Variants in RNF123 observed in about 807,000 individuals in gnomAD.
The protein encoded by RNF123 is ring finger protein 123, also known as E3 ubiquitin-protein ligase RNF123.
In RNF123, 86 loss-of-function variants were observed where a neutral mutation model predicts 168.5. The ratio of observed to expected loss-of-function variants is 0.51; its 90% CI spans 0.43 to 0.61. The LOEUF is 0.61. RNF123 is among the 20% of genes least tolerant of loss of function. The probability of loss-of-function intolerance (pLI) is 0.00; values close to 1 mark genes in which losing one functional copy is unlikely to be tolerated. For missense variants in RNF123, 1,419 were observed against 1,729.7 expected, an observed-to-expected ratio of 0.82 and a Z score of 3.19; for synonymous variants, 666 against 689.1, an observed-to-expected ratio of 0.97 and a Z score of 0.52.
intron 3 of RNF123, among the ~76,000 whole-genome samples, chr3:49,695,019 G>C (rs1368121975): frequency 7.2e-5 from 11 of 152,228 alleles, no homozygotes; most frequent in Admixed American, 7.2e-4. Context: ...CTCAGTGGTG[G>C]CTGTCTCAGG....
At chr3:49,719,242 C>T (rs775625819) in intron 35 of RNF123, 9 of 1,613,028 alleles carry the variant, frequency 5.6e-6, no homozygotes, top group Non-Finnish European at 4.2e-6. Flanking sequence ...GGGGCGCAGG[C>T]GCTGGAGCGC....
rs755162399 is a variant in RNF123, at chr3:49,691,267, G to A, written c.82+20G>A. ...TCACAGGTAAGAGCTGGCAGGGAAG[G>A]AAGGAGGCTCCTCTTGTTGGGAGGA... On this transcript the variant is annotated intron_variant, in intron 2 of 38. Coordinates refer to ENST00000327697, the MANE Select transcript of RNF123 (RefSeq NM_022064.5). 27 of 1,611,948 alleles carry A rather than the reference G, an allele frequency of 1.7e-5. No homozygotes were observed. The South Asian group carries it at 2.6e-4, about 16-fold the overall frequency.
chr3:49,701,210 A>G (rs2054374882), intron 15 of RNF123, among the ~76,000 whole-genome samples: 2 of 152,236 alleles, frequency 1.3e-5, no homozygotes, highest in African/African-American at 4.8e-5. Context: ...TTGGGGCCTG[A>G]GAAAAGGCCA....
In RNF123 at chr3:49,716,126, G is replaced by A. The variant is rs776882741; in HGVS notation, c.3364G>A (p.Val1122Met). The A allele has an allele frequency of 1.6e-5, 26 of 1,613,648 alleles. No homozygotes were observed. Among genetic ancestry groups the A allele is most frequent in the Non-Finnish European group, 6.8e-6 (8 of 1,179,976 alleles). Residue 1122 changes from valine to methionine, a missense_variant, in exon 34 of 39, where the codon GTG (valine) becomes ATG (methionine). This residue lies in a region of RNF123 where 538 missense variants were observed against 708.8 expected (regional missense o/e 0.76). Coordinates refer to ENST00000327697, the MANE Select transcript of RNF123 (RefSeq NM_022064.5). Reference protein sequence around the residue: ...AQLLNQVLNRVTAERNLFDRV... With the variant: ...AQLLNQVLNRMTAERNLFDRV... ...GCTGCTAAACCAGGTGCTGAACCGG[G>A]TGACAGCTGAGAGGAACCTGTTTGA... is the stretch of plus-strand genomic sequence containing the variant.
chr3:49,715,766 G>C, intron 32 of RNF123, 52 bp downstream of exon 32: 2 of 1,614,040 alleles, frequency 1.2e-6, no homozygotes, highest in Non-Finnish European at 8.5e-7. Flanking sequence ...GATGAGGCCT[G>C]GTCCTGGGCT....
rs1365544717 is a variant in RNF123, at chr3:49,700,577, A to G, written c.1203+13A>G. On this transcript the variant is annotated intron_variant, in intron 14 of 38. Transcript: ENST00000327697. ...CCTGGGCCTACAGGTGGGAGCCCCT[A>G]CCCCTGCCCTGAGCCCCCTGGGACT... The G allele has an allele frequency of 3.1e-6, 5 of 1,613,762 alleles. No individual in the cohort carries two copies. The East Asian group carries it at 1.1e-4, about 36-fold the overall frequency.
In RNF123 at chr3:49,713,766, G is replaced by A. The variant is rs2080188418; in HGVS notation, c.2778G>A (p.Leu926=). The A allele has an allele frequency of 6.2e-7, 1 of 1,608,916 alleles. No individual in the cohort carries two copies. The highest frequency in any genetic ancestry group is 1.1e-5 in the South Asian group (1 of 90,304). The change falls in exon 29 of 39, where the codon CTG becomes CTA. Residue 926 remains leucine (L), a synonymous_variant. Transcript: ENST00000327697. ...TDIRDSLMQA[L]ASYVCYPHSL... is the part of the protein sequence containing the mutation. Reference sequence around the variant, plus strand: ...TCCGAGACTCACTGATGCAGGCCCTGGCCAGCTACGTGTGCTACCCACACT... The same window carrying A: ...TCCGAGACTCACTGATGCAGGCCCTAGCCAGCTACGTGTGCTACCCACACT...
Position 49,699,790 on chromosome 3 carries a change from G to A in RNF123, c.984+18G>A. 1 of 1,608,012 alleles carries A rather than the reference G, an allele frequency of 6.2e-7. No homozygotes were observed. Among genetic ancestry groups the A allele is most frequent in the Non-Finnish European group, 8.5e-7 (1 of 1,175,828 alleles). On this transcript the variant is annotated intron_variant, in intron 12 of 38. Transcript: ENST00000327697. This position sits in a 1 kb window ranked among gnomAD's most constrained non-coding sequence, Gnocchi z 4.8. ...CGCTTCTGGTGAGCGGCATTGGGAG[G>A]GGCATGGGAGGGGAGGAGACAGGCC... is the stretch of plus-strand genomic sequence containing the variant.
At chr3:49,693,647 G>A (rs1446929552) in intron 3 of RNF123, among the ~76,000 whole-genome samples, 35 of 152,120 alleles carry the variant, frequency 2.3e-4, no homozygotes, top group African/African-American at 5.5e-4. Flanking sequence ...ATGAGCCACC[G>A]CACCTGACCA....
chr3:49,698,822 T>A lies in RNF123; in HGVS notation c.638T>A (p.Leu213Gln). Reference protein sequence around the residue: ...DLDDGTLSFCLNGVSLGTAFE... With the variant: ...DLDDGTLSFCQNGVSLGTAFE... ...GATGATGGCACTCTGTCCTTCTGCC[T>A]GTGAGTTTCCTATCTCTATGCACAG... The change falls in exon 9 of 39, where the codon CTG (leucine) becomes CAG (glutamine). Residue 213 changes from leucine (L) to glutamine (Q), a missense_variant and splice_region_variant. Leu to Gln is a moderately radical substitution (Grantham distance 113). Around this residue, in one of 5 missense-constraint regions of RNF123, gnomAD observed 318 missense variants for 446.6 expected, o/e 0.71. Transcript: ENST00000327697. 6.2e-7 allele frequency: 1 copy of A among 1,613,906 alleles called. No individual in the cohort carries two copies. Among genetic ancestry groups the A allele is most frequent in the Non-Finnish European group, 8.5e-7 (1 of 1,179,934 alleles).
At chr3:49,708,239 C>A (rs541439000) in intron 26 of RNF123, among the ~76,000 whole-genome samples, 2 of 152,342 alleles carry the variant, frequency 1.3e-5, no homozygotes, top group East Asian at 3.9e-4. Context: ...GCTGGGGTTA[C>A]AGGCGTGCGC....
chr3:49,698,921 G>C, intron 9 of RNF123, 59 bp from the exon 10 acceptor site: 1 of 1,608,086 alleles, frequency 6.2e-7, no homozygotes, highest in South Asian at 1.1e-5. Context: ...GAGTTTGATA[G>C]CCTGAGGGTG....
chr3:49,718,156 C>T lies in RNF123; in HGVS notation c.3500+1679C>T, dbSNP rs1198772001. 35 of 1,613,096 alleles carry T rather than the reference C, an allele frequency of 2.2e-5. No individual in the cohort carries two copies. The Admixed American group carries it at 5.8e-4, about 27-fold the overall frequency. ...GCTGGGTGCGTCTGGCGGTGTGGTG[C>T]TGAGTACTGAGGACTGTGCGCTCAG... On this transcript the variant is annotated intron_variant, in intron 35 of 38. Transcript: ENST00000327697.
In RNF123 at chr3:49,700,594, C is replaced by T. The variant is rs771189834; in HGVS notation, c.1203+30C>T. ...GAGCCCCTACCCCTGCCCTGAGCCCCCTGGGACTCGCCTGTCCACTCTGAA... is the reference window on the plus strand; with the variant it reads ...GAGCCCCTACCCCTGCCCTGAGCCCTCTGGGACTCGCCTGTCCACTCTGAA... On this transcript the variant is annotated intron_variant, in intron 14 of 38. Coordinates refer to ENST00000327697, the MANE Select transcript of RNF123 (RefSeq NM_022064.5). The T allele has an allele frequency of 3.7e-6, 6 of 1,614,204 alleles. No individual in the cohort carries two copies. In the East Asian group the frequency reaches 1.3e-4, roughly 36 times the overall value.
chr3:49,708,607 G>A (rs1056998929), intron 26 of RNF123, among the ~76,000 whole-genome samples: 4 of 152,220 alleles, frequency 2.6e-5, no homozygotes, highest in Admixed American at 2.6e-4. Flanking sequence ...CCTACTTTCT[G>A]TCTCTGAATT....
At position 49,704,724 on chromosome 3, in the gene RNF123, G is replaced by A. The variant is rs1212131288; in HGVS notation, c.1927G>A (p.Glu643Lys). 1.9e-6 allele frequency: 3 copies of A among 1,591,486 alleles called. No individual in the cohort carries two copies. Among genetic ancestry groups the A allele is most frequent in the Non-Finnish European group, 2.6e-6 (3 of 1,168,996 alleles). ...LQSTAMDDLD[E>K]DEEPAPAMAQ... is the part of the protein sequence containing the mutation. ...GTCAACCGCCATGGATGACCTAGAT[G>A]AGGATGAGGAGCCAGCCCCAGCTAT... Residue 643 changes from glutamate (E) to lysine (K), a missense_variant, in exon 22 of 39, where the codon GAG becomes AAG. Coordinates refer to ENST00000327697, the MANE Select transcript of RNF123 (RefSeq NM_022064.5).
At chr3:49,700,943 T>C (rs1575525554) in intron 15 of RNF123, among the ~76,000 whole-genome samples, 2 of 152,184 alleles carry the variant, frequency 1.3e-5, no homozygotes, top group South Asian at 4.1e-4. Flanking sequence ...TACGCAGAGG[T>C]GTGGGAGGGG....
chr3:49,697,202 A>G lies in RNF123; in HGVS notation c.227A>G (p.Asn76Ser), dbSNP rs1410895218. The G allele has an allele frequency of 1.9e-6, 3 of 1,614,128 alleles. No homozygotes were observed. The highest frequency in any genetic ancestry group is 2.5e-6 in the Non-Finnish European group (3 of 1,180,018). ...EHLDQLLQVD[N>S]EEEESQGQVE... ...TTGGACCAGTTGCTACAGGTGGACA[A>G]TGAGGAGGAGGAAAGCCAGGGTATG... Residue 76 changes from asparagine to serine, a missense_variant, in exon 4 of 39, where the codon AAT becomes AGT. Asn to Ser is a conservative substitution (Grantham distance 46). Around this residue, in one of 5 missense-constraint regions of RNF123, gnomAD observed 318 missense variants for 446.6 expected, o/e 0.71. Transcript: ENST00000327697.
At chr3:49,709,738 A>G (rs1345992162) in intron 26 of RNF123, among the ~76,000 whole-genome samples, 2 of 136,154 alleles carry the variant, frequency 1.5e-5, no homozygotes, top group Non-Finnish European at 3.1e-5. Flanking sequence ...CGCGCCCTGC[A>G]ATTTTTGTAT....
Sources: gnomAD v4.1 joint callset for allele counts (sites outside exome capture counted in the v4.1 genomes callset) on GRCh38, gnomAD v4.1.1 for gene constraint, gnomAD v4.1.1 regional missense constraint, Gnocchi (gnomAD v3.1) non-coding constraint, MANE v1.5 for transcripts, NCBI Gene and HGNC (gene_info 2026-07-23, HGNC 2026-07-21) for gene names.